The following NAXD variants were observed in gnomAD, a reference collection of about 807,000 sequenced individuals.
NAXD encodes the protein NAD(P)HX dehydratase.
NAXD carries 22 observed loss-of-function variants against 35.8 expected under a neutral mutation model. The observed-to-expected ratio is 0.62, with a 90% CI of 0.44 to 0.88. The LOEUF is 0.88. NAXD is among the 40% of genes least tolerant of loss of function. The pLI, the probability that NAXD is intolerant of heterozygous loss-of-function variation, is 0.00. For missense variants in NAXD, 428 were observed against 437.7 expected, an observed-to-expected ratio of 0.98 and a Z score of 0.20; for synonymous variants, 189 against 177.6, an observed-to-expected ratio of 1.06 and a Z score of -0.51.
At chr13:110,632,533 A>G (rs1361990838) in intron 5 of NAXD, among the ~76,000 whole-genome samples, 1 of 152,138 alleles carries the variant, frequency 6.6e-6, no homozygotes, top group South Asian at 2.1e-4. Context: ...TGTGTTTACA[A>G]TCCCTGAGCT....
intron 1 of NAXD, 77 bp from the exon 2 acceptor site, chr13:110,622,139 T>A: frequency 1.7e-6 from 2 of 1,190,740 alleles, no homozygotes; most frequent in Non-Finnish European, 2.3e-6. Flanking sequence ...TTGGAGAGGG[T>A]TTTGGTTAAT....
At chr13:110,615,536 A>C (rs1429595382), upstream of NAXD, 4 of 1,322,898 alleles carry the variant, frequency 3.0e-6, no homozygotes, top group Non-Finnish European at 3.9e-6. Flanking sequence ...GAAACCGGAA[A>C]ACGCTTCCAA....
chr13:110,632,864 C>G (rs1352659513), intron 5 of NAXD, among the ~76,000 whole-genome samples: 1 of 150,486 alleles, frequency 6.6e-6, no homozygotes, highest in African/African-American at 2.4e-5. Flanking sequence ...CACTCACAAA[C>G]CCTGAGCTAG....
In NAXD at chr13:110,622,204, C is replaced by A; in HGVS notation, c.47-12C>A. 6.2e-7 allele frequency: 1 copy of A among 1,604,452 alleles called. No homozygotes were observed. The highest frequency in any genetic ancestry group is 1.1e-5 in the South Asian group (1 of 90,122). Reference sequence around the variant, plus strand: ...TTACCTTTCTGAATTATTCATTTTTCTTGTCTTTCAGTTTTAGAAAGAGCG... The same window carrying A: ...TTACCTTTCTGAATTATTCATTTTTATTGTCTTTCAGTTTTAGAAAGAGCG... On this transcript the variant is annotated splice_polypyrimidine_tract_variant and intron_variant, in intron 1 of 9. Coordinates refer to ENST00000680254, the MANE Select transcript of NAXD (RefSeq NM_001242882.2).
chr13:110,637,795 G>C (rs765044122), intron 9 of NAXD: 8 of 463,354 alleles, frequency 1.7e-5, no homozygotes, highest in African/African-American at 4.0e-5. Context: ...TGGCAGACCC[G>C]GGCTTCTGGA....
chr13:110,634,518 G>A, intron 5 of NAXD, 27 bp from the exon 6 acceptor site: 1 of 1,612,844 alleles, frequency 6.2e-7, no homozygotes, highest in Non-Finnish European at 8.5e-7. Flanking sequence ...CAGGCATGGT[G>A]CTCAGTCTGG....
intron 5 of NAXD, among the ~76,000 whole-genome samples, chr13:110,631,909 T>G (rs1022161338): frequency 3.9e-5 from 6 of 152,256 alleles, no homozygotes; most frequent in Non-Finnish European, 8.8e-5. Flanking sequence ...ATGAGCACTT[T>G]GTTAGGCGAG....
intron 8 of NAXD, among the ~76,000 whole-genome samples, chr13:110,636,881 T>TG (rs1429099142): frequency 6.6e-6 from 1 of 152,214 alleles, no homozygotes; most frequent in African/African-American, 2.4e-5. Flanking sequence ...CAACCTGCTG[T>TG]GCTACACAGC....
At chr13:110,626,249 GA>G (rs1886477742) in intron 4 of NAXD, among the ~76,000 whole-genome samples, 1 of 146,572 alleles carries the variant, frequency 6.8e-6, no homozygotes, top group African/African-American at 2.5e-5. Flanking sequence ...CAGATGGTGA[GA>G]GGGGCCGGAT....
rs1887046070 is a variant in NAXD at position 110,638,755 on chromosome 13, TG to T, written c.*228del. 1.4e-6 allele frequency: 1 copy of T among 692,562 alleles called. No individual in the cohort carries two copies. Among genetic ancestry groups the T allele is most frequent in the Admixed American group, 2.0e-5 (1 of 49,438 alleles). The allele number at this position is 692,562 out of a possible 1,614,324, so 42.9% of individuals were successfully genotyped here. ...ATGGCGACACTAAACAAAGTATTCC[TG>T]AACTTTCCTTAGCTCCTTGGTAGTA... is the stretch of plus-strand genomic sequence containing the variant. On this transcript the variant is annotated 3_prime_UTR_variant, in exon 10 of 10. Coordinates refer to ENST00000680254, the MANE Select transcript of NAXD (RefSeq NM_001242882.2). This position sits in a 1 kb window ranked among gnomAD's most constrained non-coding sequence, Gnocchi z 5.4.
intron 5 of NAXD, among the ~76,000 whole-genome samples, chr13:110,629,667 T>C (rs1396551881): frequency 6.6e-6 from 1 of 152,262 alleles, no homozygotes; most frequent in African/African-American, 2.4e-5. Context: ...TTTTTATATC[T>C]AATATTTCAC....
intron 1 of NAXD, among the ~76,000 whole-genome samples, chr13:110,618,078 CTG>C (rs1886128041): frequency 6.6e-6 from 1 of 152,158 alleles, no homozygotes; most frequent in Admixed American, 6.6e-5. Context: ...TGTAGGTTGT[CTG>C]TGTGCTCGAA....
intron 5 of NAXD, among the ~76,000 whole-genome samples, chr13:110,633,068 C>T (rs1164139573): frequency 5.9e-5 from 9 of 152,186 alleles, no homozygotes; most frequent in Non-Finnish European, 1.0e-4. Flanking sequence ...GACTGGGTGC[C>T]GTGGAGCAGG....
At chr13:110,616,108 C>T in intron 1 of NAXD, 1 of 310,730 alleles carries the variant, frequency 3.2e-6, no homozygotes, top group East Asian at 5.2e-5. Context: ...TCCGTCTGCT[C>T]TGCTCTGTCC....
chr13:110,635,620 A>G (rs1886896709), intron 8 of NAXD, 32 bp downstream of exon 8: 3 of 1,610,352 alleles, frequency 1.9e-6, no homozygotes, highest in East Asian at 4.5e-5. Flanking sequence ...TGCATGGGCC[A>G]GTGCCAGGTC....
chr13:110,626,566 TG>T (rs1886492207), intron 4 of NAXD, among the ~76,000 whole-genome samples: 1 of 18,972 alleles, frequency 5.3e-5, no homozygotes, highest in Non-Finnish European at 1.1e-4. Flanking sequence ...GGGCTGGGGT[TG>T]GGGGCAGGGG....
intron 5 of NAXD, among the ~76,000 whole-genome samples, chr13:110,633,354 G>A (rs1207460283): frequency 1.3e-5 from 2 of 152,212 alleles, no homozygotes; most frequent in Non-Finnish European, 2.9e-5. Flanking sequence ...ACGCCCACCC[G>A]GAACTCCAGC....
intron 8 of NAXD, 120 bp from the exon 9 acceptor site, chr13:110,637,009 C>A (rs147247524): frequency 2.2e-5 from 26 of 1,166,970 alleles, no homozygotes; most frequent in African/African-American, 3.2e-5. Context: ...GTGAGTGGAG[C>A]CTCAGGCTGC....
intron 2 of NAXD, among the ~76,000 whole-genome samples, chr13:110,624,002 C>CAAA (rs58510281): frequency 9.7e-6 from 1 of 103,220 alleles, no homozygotes; most frequent in Non-Finnish European, 2.1e-5. Flanking sequence ...AACTCTGTCT[C>CAAA]AAAAAAAAAA....
Sources: gnomAD v4.1 joint callset for allele counts (sites outside exome capture counted in the v4.1 genomes callset) on GRCh38, gnomAD v4.1.1 for gene constraint, Gnocchi (gnomAD v3.1) non-coding constraint, MANE v1.5 for transcripts, NCBI Gene and HGNC (gene_info 2026-07-23, HGNC 2026-07-21) for gene names.